DLG2: variants seen among roughly 807,000 people sequenced by gnomAD.
DLG2 encodes the protein discs large MAGUK scaffold protein 2.
A neutral mutation model predicts 132.5 loss-of-function variants in DLG2; 45 were observed. That is an observed-to-expected ratio of 0.34 (90% CI 0.27 to 0.44). The LOEUF (loss-of-function observed/expected upper bound fraction) is 0.44. Among genes scored for constraint, DLG2 ranks in the 20% least tolerant of loss-of-function variants. DLG2 has a pLI of 1.00. For missense variants in DLG2, 1,045 were observed against 1,196.9 expected (o/e 0.87, Z 1.87); for synonymous variants, 424 against 419.6 (o/e 1.01, Z -0.13).
At chr11:83,738,366 G>T (rs916345686) in intron 18 of DLG2, among the ~76,000 whole-genome samples, 5 of 152,048 alleles carry the variant, frequency 3.3e-5, no homozygotes, top group African/African-American at 9.6e-5. Context: ...TGTTGAAAAA[G>T]AGGGGCAGGC....
At chr11:83,578,419 T>G (rs981004978) in intron 19 of DLG2, among the ~76,000 whole-genome samples, 3 of 152,060 alleles carry the variant, frequency 2.0e-5, no homozygotes, top group African/African-American at 7.2e-5. Flanking sequence ...CCAACAATCA[T>G]GTCAACTGTA....
intron 3 of DLG2, among the ~76,000 whole-genome samples, chr11:85,294,110 T>G (rs1053422842): frequency 4.6e-5 from 7 of 152,052 alleles, no homozygotes; most frequent in African/African-American, 7.2e-5. Context: ...TGCATATATA[T>G]GTATATATGT....
At chr11:84,465,317 A>G (rs1387093416) in intron 7 of DLG2, among the ~76,000 whole-genome samples, 1 of 151,178 alleles carries the variant, frequency 6.6e-6, no homozygotes, top group Non-Finnish European at 1.5e-5. Flanking sequence ...GGCTTCTGCC[A>G]GTGGGTTTTT....
chr11:83,780,670 C>T (rs1354479445), intron 18 of DLG2, among the ~76,000 whole-genome samples: 2 of 152,174 alleles, frequency 1.3e-5, no homozygotes, highest in Non-Finnish European at 2.9e-5. Flanking sequence ...CTGAGGAGTT[C>T]TAGCAAGACT....
intron 17 of DLG2, among the ~76,000 whole-genome samples, chr11:83,809,787 A>T (rs1415722308): frequency 6.6e-6 from 1 of 152,138 alleles, no homozygotes; most frequent in Non-Finnish European, 1.5e-5. Context: ...TGGCCCTAAG[A>T]TACAAAATAC....
chr11:83,546,067 C>A (rs2096234767), intron 19 of DLG2, among the ~76,000 whole-genome samples: 2 of 152,124 alleles, frequency 1.3e-5, no homozygotes, highest in Non-Finnish European at 2.9e-5. Flanking sequence ...AATAATGTAA[C>A]AACTCTCCCA....
intron 18 of DLG2, among the ~76,000 whole-genome samples, chr11:83,714,031 TG>T (rs1334641347): frequency 2.6e-5 from 4 of 152,168 alleles, no homozygotes; most frequent in Non-Finnish European, 5.9e-5. Context: ...GTTGTGCAAG[TG>T]GGACATATTT....
At chr11:83,965,241 AAGT>A in intron 13 of DLG2, 80 bp downstream of exon 13, 1 of 1,422,958 alleles carries the variant, frequency 7.0e-7, no homozygotes, top group East Asian at 2.4e-5. Flanking sequence ...GGGAAGGTAC[AAGT>A]AGAACACTTT....
At chr11:84,983,853 T>C (rs933163215) in intron 6 of DLG2, among the ~76,000 whole-genome samples, 1 of 152,092 alleles carries the variant, frequency 6.6e-6, no homozygotes, top group East Asian at 1.9e-4. Context: ...TGCAAAATGC[T>C]CTGGAAAGTC....
intron 6 of DLG2, among the ~76,000 whole-genome samples, chr11:85,071,136 A>G (rs1195216873): frequency 6.6e-6 from 1 of 151,908 alleles, no homozygotes; most frequent in Non-Finnish European, 1.5e-5. Flanking sequence ...ATATAAAGCT[A>G]TCAGAACACT....
intron 4 of DLG2, among the ~76,000 whole-genome samples, chr11:85,252,558 C>A (rs1361203100): frequency 1.3e-5 from 2 of 151,974 alleles, no homozygotes; most frequent in Non-Finnish European, 2.9e-5. Context: ...TGCACTCCAA[C>A]CTGGGCAACA....
chr11:83,781,697 T>C (rs903898315), intron 18 of DLG2, among the ~76,000 whole-genome samples: 4 of 152,332 alleles, frequency 2.6e-5, no homozygotes, highest in East Asian at 1.9e-4. Flanking sequence ...GCAAAAGAAT[T>C]TGTGGTTCTC....
chr11:85,347,245 C>G (rs2082910846), intron 3 of DLG2, among the ~76,000 whole-genome samples: 1 of 152,014 alleles, frequency 6.6e-6, no homozygotes. Context: ...TCATGCTCCC[C>G]CTAAGCTTGT....
intron 14 of DLG2, among the ~76,000 whole-genome samples, chr11:83,932,533 A>G (rs1006535274): frequency 6.6e-6 from 1 of 152,032 alleles, no homozygotes; most frequent in Non-Finnish European, 1.5e-5. Flanking sequence ...CGCGCCCGGC[A>G]TATCTAATGG....
intron 4 of DLG2, among the ~76,000 whole-genome samples, chr11:85,207,692 T>C (rs1475753992): frequency 6.6e-6 from 1 of 152,140 alleles, no homozygotes; most frequent in East Asian, 1.9e-4. Context: ...AAAGCTTATA[T>C]ATCCAAAAAT....
At chr11:84,438,088 C>G (rs2099006401) in intron 7 of DLG2, among the ~76,000 whole-genome samples, 3 of 152,198 alleles carry the variant, frequency 2.0e-5, no homozygotes, top group African/African-American at 7.2e-5. Context: ...CAATCCCACT[C>G]ATATCCTCCA....
chr11:84,266,456 A>G (rs759808441), intron 7 of DLG2, among the ~76,000 whole-genome samples: 25 of 152,204 alleles, frequency 1.6e-4, no homozygotes, highest in Non-Finnish European at 3.4e-4. Context: ...TACTAATAGA[A>G]ATTCCATTAA....
chr11:83,467,798 TATATATATATATACAC>T (rs1565339334), intron 25 of DLG2, among the ~76,000 whole-genome samples: 3 of 105,138 alleles, frequency 2.9e-5, no homozygotes, highest in African/African-American at 1.3e-4. Context: ...TATATATATA[TATATATATATATACAC>T]ACACACATAT....
chr11:83,805,715 C>T (rs181100347), intron 17 of DLG2, among the ~76,000 whole-genome samples: 16 of 152,250 alleles, frequency 1.1e-4, no homozygotes, highest in African/African-American at 3.4e-4. Context: ...TTCCTAACTG[C>T]TTGTAAATTA....
Sources: gnomAD v4.1 joint callset for allele counts (sites outside exome capture counted in the v4.1 genomes callset) on GRCh38, gnomAD v4.1.1 for gene constraint, MANE v1.5 for transcripts, NCBI Gene and HGNC (gene_info 2026-07-23, HGNC 2026-07-21) for gene names.